The following ZNF385D variants were observed in gnomAD, a reference collection of about 807,000 sequenced individuals.
ZNF385D encodes the protein zinc finger protein 385D, also known as zinc finger protein 659.
A neutral mutation model predicts 35.8 loss-of-function variants in ZNF385D; 15 were observed. That is an observed-to-expected ratio of 0.42 (90% CI 0.28 to 0.64). ZNF385D has a LOEUF of 0.64. ZNF385D is among the 30% of genes least tolerant of loss of function. ZNF385D has a pLI of 0.23. For synonymous variants in ZNF385D, 212 were observed against 186.8 expected, an observed-to-expected ratio of 1.13 and a Z score of -1.10; for missense variants, 474 against 494.6, an observed-to-expected ratio of 0.96 and a Z score of 0.39.
chr3:21,955,289 C>G (rs1275536920), intron 3 of ZNF385D, among the ~76,000 whole-genome samples: 1 of 152,046 alleles, frequency 6.6e-6, no homozygotes, highest in Non-Finnish European at 1.5e-5. Context: ...GAGATGGAAA[C>G]TAAAGTTCTT....
chr3:21,947,689 T>G (rs1397722147), intron 3 of ZNF385D, among the ~76,000 whole-genome samples: 1 of 152,128 alleles, frequency 6.6e-6, no homozygotes, highest in Non-Finnish European at 1.5e-5. Flanking sequence ...TGACTATTTT[T>G]TGCGTGTAAT....
At chr3:21,957,719 T>C (rs1312148724) in intron 3 of ZNF385D, among the ~76,000 whole-genome samples, 1 of 152,086 alleles carries the variant, frequency 6.6e-6, no homozygotes, top group African/African-American at 2.4e-5. Flanking sequence ...TCCATCCCAT[T>C]TTCTCCTACA....
intron 3 of ZNF385D, among the ~76,000 whole-genome samples, chr3:21,866,821 C>A (rs1284170946): frequency 6.6e-6 from 1 of 152,086 alleles, no homozygotes; most frequent in East Asian, 1.9e-4. Context: ...TTAGAATCAT[C>A]AGGTAGTGAT....
chr3:21,574,937 G>C (rs3860581), intron 2 of ZNF385D, among the ~76,000 whole-genome samples: 106,545 of 151,950 alleles, frequency 0.7, 38,476 homozygotes, highest in African/African-American at 0.89. Context: ...TGGAGATCTA[G>C]GGATAGGACT....
At chr3:21,969,756 T>A (rs1159552437) in intron 3 of ZNF385D, among the ~76,000 whole-genome samples, 1 of 151,892 alleles carries the variant, frequency 6.6e-6, no homozygotes, top group South Asian at 2.1e-4. Flanking sequence ...CAGGACTCAC[T>A]GCTATGCTGG....
At chr3:21,868,112 C>A (rs896011902) in intron 3 of ZNF385D, among the ~76,000 whole-genome samples, 1 of 151,864 alleles carries the variant, frequency 6.6e-6, no homozygotes, top group African/African-American at 2.4e-5. Context: ...AGCATTTTTT[C>A]ATTTCACTAT....
intron 3 of ZNF385D, among the ~76,000 whole-genome samples, chr3:21,836,271 C>T (rs73820154): frequency 0.034 from 5,169 of 152,142 alleles, 129 homozygotes; most frequent in Middle Eastern, 0.065. Flanking sequence ...AAATCATTTT[C>T]GTGTCACTTT....
At chr3:22,008,042 A>G (rs1696328634) in intron 3 of ZNF385D, among the ~76,000 whole-genome samples, 1 of 151,938 alleles carries the variant, frequency 6.6e-6, no homozygotes, top group Non-Finnish European at 1.5e-5. Context: ...ATGCATGTGA[A>G]CTTTATTTTT....
intron 3 of ZNF385D, among the ~76,000 whole-genome samples, chr3:21,935,469 A>G (rs1338949048): frequency 2.0e-5 from 3 of 152,176 alleles, no homozygotes; most frequent in Non-Finnish European, 4.4e-5. Context: ...CAAACTGGCA[A>G]GTGGGTTTGA....
At position 22,296,676 on chromosome 3, in the gene ZNF385D, G is replaced by A. The variant is rs190361691; in HGVS notation, c.106+75774C>T. Among the ~76,000 whole-genome samples the A allele has an allele frequency of 8.2e-3, 1,245 of 152,218 alleles. 10 individuals are homozygous for A. Among genetic ancestry groups the A allele is most frequent in the Non-Finnish European group, 0.013 (917 of 68,006 alleles). Reference sequence around the variant, plus strand: ...TGGTTTTCACTTGACTGCACTCCTTGCTGAATGCTGAATTCCTTCTTGAAG... The same window carrying A: ...TGGTTTTCACTTGACTGCACTCCTTACTGAATGCTGAATTCCTTCTTGAAG... On this transcript the variant is annotated intron_variant, in intron 2 of 5. Transcript: ENST00000494108.
At chr3:21,631,915 C>T (rs1275299688) in intron 2 of ZNF385D, among the ~76,000 whole-genome samples, 3 of 152,098 alleles carry the variant, frequency 2.0e-5, no homozygotes, top group Non-Finnish European at 4.4e-5. Context: ...TTGAAGCCTT[C>T]AGCTTCCTAG....
intron 3 of ZNF385D, among the ~76,000 whole-genome samples, chr3:21,980,640 G>C (rs970851033): frequency 6.6e-6 from 1 of 152,076 alleles, no homozygotes; most frequent in African/African-American, 2.4e-5. Context: ...CCAGGGGTTT[G>C]TTGTACACAC....
chr3:21,775,406 A>T (rs6787330), intron 3 of ZNF385D, among the ~76,000 whole-genome samples: 12,230 of 151,804 alleles, frequency 0.081, 798 homozygotes, highest in East Asian at 0.33. Context: ...AAAAAAAATT[A>T]AAAATAAAAA....
intron 3 of ZNF385D, among the ~76,000 whole-genome samples, chr3:22,168,119 C>A (rs1026436176): frequency 6.6e-6 from 1 of 152,142 alleles, no homozygotes; most frequent in African/African-American, 2.4e-5. Context: ...CATGAAACAT[C>A]TGATCACAAT....
chr3:22,263,768 T>C (rs1455754062), intron 2 of ZNF385D, among the ~76,000 whole-genome samples: 1 of 152,026 alleles, frequency 6.6e-6, no homozygotes, highest in African/African-American at 2.4e-5. Context: ...TGGTAATGTT[T>C]GGATACATTT....
chr3:22,352,450 T>C (rs911015274), intron 2 of ZNF385D, among the ~76,000 whole-genome samples: 1 of 152,220 alleles, frequency 6.6e-6, no homozygotes, highest in African/African-American at 2.4e-5. Context: ...GTTTGCATTT[T>C]CCAAGGTGAA....
intron 2 of ZNF385D, among the ~76,000 whole-genome samples, chr3:22,275,376 GT>G (rs1369583421): frequency 6.6e-6 from 1 of 152,126 alleles, no homozygotes; most frequent in Non-Finnish European, 1.5e-5. Context: ...TTTGAGAACA[GT>G]TGATTGCTGT....
chr3:21,531,108 T>C (rs1156729694), intron 3 of ZNF385D, among the ~76,000 whole-genome samples: 1 of 152,202 alleles, frequency 6.6e-6, no homozygotes, highest in Non-Finnish European at 1.5e-5. Context: ...AATGTGATGA[T>C]ACATAGAGCA....
intron 3 of ZNF385D, among the ~76,000 whole-genome samples, chr3:22,021,162 T>C (rs1697202668): frequency 6.6e-6 from 1 of 151,872 alleles, no homozygotes; most frequent in Admixed American, 6.6e-5. Flanking sequence ...AAGTATATTA[T>C]TTAGGTGATA....
Sources: gnomAD v4.1 joint callset for allele counts (sites outside exome capture counted in the v4.1 genomes callset) on GRCh38, gnomAD v4.1.1 for gene constraint, MANE v1.5 for transcripts, NCBI Gene and HGNC (gene_info 2026-07-23, HGNC 2026-07-21) for gene names.